Variants in DCK observed in about 807,000 individuals in gnomAD.
The protein encoded by DCK is deoxyadenosine kinase.
A neutral mutation model predicts 38.3 loss-of-function variants in DCK; 23 were observed. The observed-to-expected ratio is 0.60, with a 90% CI of 0.43 to 0.85. The LOEUF is 0.85. DCK is among the 40% of genes least tolerant of loss of function. The pLI, the probability that DCK is intolerant of heterozygous loss-of-function variation, is 0.00. For missense variants in DCK, 259 were observed against 304.4 expected (o/e 0.85, Z 1.11); for synonymous variants, 108 against 100.6 (o/e 1.07, Z -0.44).
chr4:71,018,052 T>A (rs981972828), intron 2 of DCK, among the ~76,000 whole-genome samples: 3 of 152,116 alleles, frequency 2.0e-5, no homozygotes, highest in Admixed American at 2.0e-4. Flanking sequence ...TGCCTAATAA[T>A]AGTGGAATGA....
At position 71,023,725 on chromosome 4, in the gene DCK, G is replaced by T. The variant is rs757178515; in HGVS notation, c.549+19G>T. The stretch of plus-strand genomic sequence containing the variant: ...TCCAGAGGTAAAACCCAATAAAAAT[G>T]TGTTTCACTGAAAATTTAAAGAAAT... On this transcript the variant is annotated intron_variant, in intron 4 of 6. Coordinates refer to ENST00000286648, the MANE Select transcript of DCK (RefSeq NM_000788.3). 20 of 1,592,310 alleles carry T rather than the reference G, an allele frequency of 1.3e-5. No individual in the cohort carries two copies. Among genetic ancestry groups the T allele is most frequent in the Non-Finnish European group, 1.7e-5 (20 of 1,172,452 alleles).
chr4:71,010,939 C>CTTT (rs112039606), intron 2 of DCK, among the ~76,000 whole-genome samples: 1 of 141,428 alleles, frequency 7.1e-6, no homozygotes, highest in Admixed American at 7.1e-5. Context: ...ATAAGTCATT[C>CTTT]TTTTTTTTTT....
intron 2 of DCK, among the ~76,000 whole-genome samples, chr4:70,998,879 C>T (rs185356985): frequency 5.3e-5 from 8 of 150,780 alleles, no homozygotes; most frequent in African/African-American, 2.0e-4. Context: ...GCTGAGATGG[C>T]GCCACTGTGC....
chr4:71,011,221 G>C (rs546937083), intron 2 of DCK, among the ~76,000 whole-genome samples: 1 of 146,314 alleles, frequency 6.8e-6, no homozygotes, highest in African/African-American at 2.5e-5. Flanking sequence ...GGGATTACAG[G>C]TGTGAGGTCT....
intron 1 of DCK, 64 bp from the exon 2 acceptor site, chr4:70,998,003 G>A (rs958318730): frequency 1.4e-6 from 1 of 696,574 alleles, no homozygotes; most frequent in Non-Finnish European, 2.4e-6. Flanking sequence ...AAAAGCTAAT[G>A]ACTACTTGAC....
intron 2 of DCK, among the ~76,000 whole-genome samples, chr4:71,014,486 G>T (rs965784065): frequency 4.6e-5 from 7 of 152,062 alleles, no homozygotes; most frequent in African/African-American, 1.7e-4. Flanking sequence ...GCACCACATC[G>T]CACTTATTCC....
Position 71,000,452 on chromosome 4 carries a change from C to T in DCK, c.207+2270C>T, listed in dbSNP as rs948171586. 3.3e-5 allele frequency among the ~76,000 whole-genome samples: 5 copies of T among 152,106 alleles called. No homozygotes were observed. The East Asian group carries it at 7.7e-4, about 23-fold the overall frequency. On this transcript the variant is annotated intron_variant, in intron 2 of 6. Coordinates refer to ENST00000286648, the MANE Select transcript of DCK (RefSeq NM_000788.3). ...TGTAGTATAGTTTGAAGTCAGGTAG[C>T]ATGAGGCCTCAAGCCTTGTTCTTTT...
chr4:71,025,385 T>C (rs189764123), intron 4 of DCK, among the ~76,000 whole-genome samples: 124 of 152,074 alleles, frequency 8.2e-4, no homozygotes, highest in Admixed American at 1.6e-3. Context: ...TGATATAGAG[T>C]TTTCATCACA....
At chr4:71,005,340 G>A (rs2148913766) in intron 2 of DCK, among the ~76,000 whole-genome samples, 1 of 151,882 alleles carries the variant, frequency 6.6e-6, no homozygotes, top group South Asian at 2.1e-4. Flanking sequence ...TACTTCAGTC[G>A]GAAATGCAGA....
chr4:71,017,475 C>A (rs1740300727), intron 2 of DCK, among the ~76,000 whole-genome samples: 1 of 152,092 alleles, frequency 6.6e-6, no homozygotes, highest in Non-Finnish European at 1.5e-5. Flanking sequence ...CAGACACATG[C>A]ACACATATGT....
chr4:71,001,625 T>C (rs905048470), intron 2 of DCK, among the ~76,000 whole-genome samples: 3 of 152,150 alleles, frequency 2.0e-5, no homozygotes, highest in Admixed American at 6.5e-5. Flanking sequence ...CTGGGCTTTT[T>C]TTTGGTTGGT....
intron 2 of DCK, among the ~76,000 whole-genome samples, chr4:71,015,818 C>T (rs563666222): frequency 6.6e-6 from 1 of 152,224 alleles, no homozygotes; most frequent in Admixed American, 6.5e-5. Flanking sequence ...AAACCCACAG[C>T]CAATATCACA....
intron 4 of DCK, among the ~76,000 whole-genome samples, chr4:71,024,777 T>G (rs773581859): frequency 2.0e-4 from 31 of 152,228 alleles, no homozygotes; most frequent in African/African-American, 7.5e-4. Flanking sequence ...ATAAGGAATA[T>G]GAATAATTTC....
At chr4:71,018,225 C>T (rs1421936659) in intron 2 of DCK, among the ~76,000 whole-genome samples, 1 of 146,246 alleles carries the variant, frequency 6.8e-6, no homozygotes, top group Non-Finnish European at 1.5e-5. Flanking sequence ...CTCCCAGGTT[C>T]ACATCATTCT....
intron 2 of DCK, among the ~76,000 whole-genome samples, chr4:71,020,988 T>C (rs952658460): frequency 6.6e-6 from 1 of 152,170 alleles, no homozygotes; most frequent in African/African-American, 2.4e-5. Context: ...TTGTCATTGT[T>C]TATAGGCCTT....
chr4:71,013,298 G>A (rs1740151943), intron 2 of DCK, among the ~76,000 whole-genome samples: 1 of 151,874 alleles, frequency 6.6e-6, no homozygotes, highest in African/African-American at 2.4e-5. Context: ...GTACCTGAAA[G>A]TGATGGGGAG....
At chr4:71,015,390 T>G (rs1740233330) in intron 2 of DCK, among the ~76,000 whole-genome samples, 1 of 152,106 alleles carries the variant, frequency 6.6e-6, no homozygotes, top group Non-Finnish European at 1.5e-5. Flanking sequence ...CTGAAACTAT[T>G]CCAATCAATA....
chr4:70,999,990 A>G (rs887456049), intron 2 of DCK, among the ~76,000 whole-genome samples: 5 of 151,874 alleles, frequency 3.3e-5, no homozygotes, highest in African/African-American at 1.2e-4. Flanking sequence ...TACTTGGATG[A>G]TAGTTTCTTT....
At chr4:70,996,377 T>A (rs149561582) in intron 1 of DCK, among the ~76,000 whole-genome samples, 1 of 152,044 alleles carries the variant, frequency 6.6e-6, no homozygotes, top group Admixed American at 6.6e-5. Flanking sequence ...GAAAAAAAAA[T>A]TAAATTTGTT....
Sources: gnomAD v4.1 joint callset for allele counts (sites outside exome capture counted in the v4.1 genomes callset) on GRCh38, gnomAD v4.1.1 for gene constraint, MANE v1.5 for transcripts, NCBI Gene and HGNC (gene_info 2026-07-23, HGNC 2026-07-21) for gene names.